AUTS2: variants seen among roughly 807,000 people sequenced by gnomAD.
AUTS2 encodes activator of transcription and developmental regulator AUTS2.
Under a neutral mutation model 112.4 loss-of-function variants are expected in AUTS2, and 17 were observed. The ratio of observed to expected loss-of-function variants is 0.15; its 90% CI spans 0.10 to 0.23. The LOEUF (loss-of-function observed/expected upper bound fraction) is 0.23, where lower values mean the gene tolerates loss of function less well. Ranked by LOEUF, AUTS2 falls within the 10% of genes least tolerant of loss-of-function variation. The pLI, the probability that AUTS2 is intolerant of heterozygous loss-of-function variation, is 1.00. For missense variants in AUTS2, 1,510 were observed against 1,701.6 expected, an observed-to-expected ratio of 0.89 and a Z score of 1.98; for synonymous variants, 751 against 702.7, an observed-to-expected ratio of 1.07 and a Z score of -1.09.
intron 1 of AUTS2, among the ~76,000 whole-genome samples, chr7:69,898,884 A>G (rs1794857750): frequency 6.6e-6 from 1 of 152,232 alleles, no homozygotes; most frequent in South Asian, 2.1e-4. Flanking sequence ...TGAATTGAGC[A>G]TGCACTTAGT....
At chr7:70,155,524 G>A (rs1444281073) in intron 4 of AUTS2, among the ~76,000 whole-genome samples, 2 of 149,724 alleles carry the variant, frequency 1.3e-5, no homozygotes, top group Admixed American at 6.6e-5. Flanking sequence ...TGGCACTCTT[G>A]TGCCAGTAAA....
At chr7:70,304,290 G>A (rs1034085070) in intron 4 of AUTS2, among the ~76,000 whole-genome samples, 2 of 152,236 alleles carry the variant, frequency 1.3e-5, no homozygotes, top group African/African-American at 4.8e-5. Context: ...AGGAAACTGA[G>A]GCCAGGAGAG....
chr7:69,964,102 A>G (rs1459705443), intron 2 of AUTS2, among the ~76,000 whole-genome samples: 2 of 152,166 alleles, frequency 1.3e-5, no homozygotes, highest in Non-Finnish European at 2.9e-5. Flanking sequence ...TGTTCTTATT[A>G]ATTCCTACTG....
intron 1 of AUTS2, among the ~76,000 whole-genome samples, chr7:69,781,543 T>A (rs754268951): frequency 6.6e-6 from 1 of 152,236 alleles, no homozygotes; most frequent in Non-Finnish European, 1.5e-5. Flanking sequence ...TCTTTGGCCC[T>A]GCCCTCAGCA....
rs1430598767 is a variant in AUTS2, at chr7:70,005,059, G to A, written c.522+105561G>A. ...AGGCTGGTCTCGAACTCCTGACCTCGGGTGATTCACTCGCCTCAGCTTCCC... is the reference window on the plus strand; with the variant it reads ...AGGCTGGTCTCGAACTCCTGACCTCAGGTGATTCACTCGCCTCAGCTTCCC... On this transcript the variant is annotated intron_variant, in intron 2 of 18. Transcript: ENST00000342771. Among the ~76,000 whole-genome samples, 8 of 151,822 alleles carry A rather than the reference G, an allele frequency of 5.3e-5. No individual in the cohort carries two copies. The East Asian group carries it at 9.7e-4, about 18-fold the overall frequency.
intron 1 of AUTS2, among the ~76,000 whole-genome samples, chr7:69,648,753 T>TGTGTGAAGGAGGATGTGTATGTG (rs1795156037): frequency 6.6e-6 from 1 of 152,182 alleles, no homozygotes; most frequent in Non-Finnish European, 1.5e-5. Flanking sequence ...GGACCTGTTA[T>TGTGTGAAGGAGGATGTGTATGTG]TGATTATACG....
chr7:69,650,007 C>T lies in AUTS2; in HGVS notation c.309+50045C>T, dbSNP rs140720978. ...TATGCAGCAGCACAATTTTAGCCAT[C>T]CAAACTGGGCCAGTTGTTTTGTTAC... On this transcript the variant is annotated intron_variant, in intron 1 of 18. Coordinates refer to ENST00000342771, the MANE Select transcript of AUTS2 (RefSeq NM_015570.4). Among the ~76,000 whole-genome samples, 437 of 152,302 alleles carry T rather than the reference C, an allele frequency of 2.9e-3. 2 individuals carry two copies. The highest frequency in any genetic ancestry group is 9.7e-3 in the African/African-American group (405 of 41,554).
At chr7:69,658,065 G>A (rs867466756) in intron 1 of AUTS2, among the ~76,000 whole-genome samples, 8 of 152,202 alleles carry the variant, frequency 5.3e-5, no homozygotes, top group African/African-American at 1.4e-4. Context: ...TTCATGCCAC[G>A]TGAAAATTAT....
Position 70,727,380 on chromosome 7 carries a change from G to A in AUTS2, c.742+28760G>A, listed in dbSNP as rs185673976. Among the ~76,000 whole-genome samples, 729 of 152,206 alleles carry A rather than the reference G, an allele frequency of 4.8e-3. 4 individuals are homozygous for A. The highest frequency in any genetic ancestry group is 7.4e-3 in the Non-Finnish European group (505 of 68,014). On this transcript the variant is annotated intron_variant, in intron 6 of 18. Transcript: ENST00000342771. ...TTTGTTTGTTTTGAGATGGAGTTTC[G>A]CTCTTGTTGCCCAGGCTGGAGTGCA... is the stretch of plus-strand genomic sequence containing the variant.
At chr7:70,256,995 T>A (rs907315094) in intron 4 of AUTS2, among the ~76,000 whole-genome samples, 3 of 152,206 alleles carry the variant, frequency 2.0e-5, no homozygotes, top group Non-Finnish European at 4.4e-5. Flanking sequence ...AGTCCTTTCC[T>A]GATCTTCTAA....
At chr7:70,013,256 T>C (rs745411226) in intron 2 of AUTS2, among the ~76,000 whole-genome samples, 1 of 152,220 alleles carries the variant, frequency 6.6e-6, no homozygotes, top group Non-Finnish European at 1.5e-5. Flanking sequence ...ATTTACTGAC[T>C]GTCTAAACCT....
At chr7:70,341,799 G>A (rs1791275650) in intron 4 of AUTS2, among the ~76,000 whole-genome samples, 1 of 152,216 alleles carries the variant, frequency 6.6e-6, no homozygotes, top group African/African-American at 2.4e-5. Context: ...GAACGGTAAG[G>A]ACAGATCTGT....
intron 4 of AUTS2, among the ~76,000 whole-genome samples, chr7:70,188,891 CTTTT>C (rs1453100512): frequency 6.6e-6 from 1 of 151,200 alleles, no homozygotes; most frequent in Admixed American, 6.6e-5. Flanking sequence ...CCGGCTGCAT[CTTTT>C]TTTCTTTATT....
chr7:70,166,670 G>A (rs1020571162), intron 4 of AUTS2, among the ~76,000 whole-genome samples: 3 of 151,910 alleles, frequency 2.0e-5, no homozygotes, highest in African/African-American at 7.3e-5. Flanking sequence ...AAAATGCTCA[G>A]CTAATACAAA....
chr7:69,648,930 A>C (rs1306304478), intron 1 of AUTS2, among the ~76,000 whole-genome samples: 1 of 152,142 alleles, frequency 6.6e-6, no homozygotes, highest in East Asian at 1.9e-4. Context: ...AGTGTGTTTT[A>C]ATTAAGAACT....
intron 4 of AUTS2, among the ~76,000 whole-genome samples, chr7:70,286,652 G>A (rs921683948): frequency 6.6e-6 from 1 of 152,186 alleles, no homozygotes; most frequent in Non-Finnish European, 1.5e-5. Context: ...AATGATACTT[G>A]TCTTTAAAAT....
chr7:69,979,935 G>C (rs1037714459), intron 2 of AUTS2, among the ~76,000 whole-genome samples: 1 of 152,142 alleles, frequency 6.6e-6, no homozygotes, highest in Non-Finnish European at 1.5e-5. Context: ...GTTATTTACT[G>C]TATGTTTTTG....
At chr7:70,755,291 A>T (rs1451086106) in intron 6 of AUTS2, among the ~76,000 whole-genome samples, 1 of 151,646 alleles carries the variant, frequency 6.6e-6, no homozygotes, top group Non-Finnish European at 1.5e-5. Context: ...CACATGCACC[A>T]TATTTTTAAA....
chr7:70,716,994 A>ATTTTTTTTTTT (rs1159029938), intron 6 of AUTS2, among the ~76,000 whole-genome samples: 1 of 71,708 alleles, frequency 1.4e-5, no homozygotes, highest in Non-Finnish European at 2.5e-5. Flanking sequence ...CAGTGGAGTT[A>ATTTTTTTTTTT]TTTTTTTTTT....
Sources: gnomAD v4.1 joint callset for allele counts (sites outside exome capture counted in the v4.1 genomes callset) on GRCh38, gnomAD v4.1.1 for gene constraint, MANE v1.5 for transcripts, NCBI Gene and HGNC (gene_info 2026-07-23, HGNC 2026-07-21) for gene names.